Variants in CA10 observed in about 807,000 individuals in gnomAD.
The protein encoded by CA10 is carbonic anhydrase 10 (inactive), also known as carbonic anhydrase-related protein 10.
CA10 carries 14 observed loss-of-function variants against 44.2 expected under a neutral mutation model. The ratio of observed to expected loss-of-function variants is 0.32; its 90% CI spans 0.21 to 0.50. The LOEUF is 0.50. Ranked by LOEUF, CA10 falls within the 20% of genes least tolerant of loss-of-function variation. The probability of loss-of-function intolerance (pLI) is 0.99; values close to 1 mark genes in which losing one functional copy is unlikely to be tolerated. For missense variants in CA10, 350 were observed against 409.7 expected (o/e 0.85, Z 1.26); for synonymous variants, 159 against 141.6 (o/e 1.12, Z -0.87).
chr17:51,768,463 T>C (rs1161018759), intron 3 of CA10, among the ~76,000 whole-genome samples: 1 of 152,200 alleles, frequency 6.6e-6, no homozygotes, highest in African/African-American at 2.4e-5. Flanking sequence ...CATCAAATCT[T>C]CTGATAAATT....
At chr17:52,041,815 C>T (rs2144192332) in intron 2 of CA10, among the ~76,000 whole-genome samples, 1 of 152,168 alleles carries the variant, frequency 6.6e-6, no homozygotes, top group South Asian at 2.1e-4. Flanking sequence ...TTTTTTATTT[C>T]ACATATAAGT....
At chr17:51,958,776 T>C (rs1054943436) in intron 2 of CA10, among the ~76,000 whole-genome samples, 2 of 151,988 alleles carry the variant, frequency 1.3e-5, no homozygotes, top group Non-Finnish European at 2.9e-5. Context: ...AACAAACAGA[T>C]AAGCAAAAAC....
At chr17:51,901,872 T>C (rs1981332424) in intron 3 of CA10, among the ~76,000 whole-genome samples, 1 of 152,088 alleles carries the variant, frequency 6.6e-6, no homozygotes, top group Non-Finnish European at 1.5e-5. Flanking sequence ...AGCTAAGTTA[T>C]AAAGTTAGTA....
chr17:51,682,332 C>T (rs768833463), intron 4 of CA10, among the ~76,000 whole-genome samples: 3 of 152,250 alleles, frequency 2.0e-5, no homozygotes, highest in South Asian at 2.1e-4. Context: ...AAGCTGAAAC[C>T]GCTGGCAAAA....
At chr17:51,694,591 A>G (rs1280805743) in intron 4 of CA10, among the ~76,000 whole-genome samples, 2 of 149,054 alleles carry the variant, frequency 1.3e-5, no homozygotes, top group African/African-American at 5.0e-5. Flanking sequence ...TATTTTCTCT[A>G]ATTCTGTGGG....
chr17:51,997,780 A>G (rs182766840), intron 2 of CA10, among the ~76,000 whole-genome samples: 29 of 152,218 alleles, frequency 1.9e-4, no homozygotes, highest in Admixed American at 1.4e-3. Flanking sequence ...GAGAAATCAT[A>G]TTTAAAATAG....
chr17:51,959,797 G>GAAAAAAAAAAAAAAAAAAAAGAAAAA (rs3062037), intron 2 of CA10, among the ~76,000 whole-genome samples: 3 of 112,374 alleles, frequency 2.7e-5, no homozygotes, highest in South Asian at 3.3e-4. Flanking sequence ...CTGCTAAGAT[G>GAAAAAAAAAAAAAAAAAAAAGAAAAA]AAAAAAAAAA....
intron 2 of CA10, among the ~76,000 whole-genome samples, chr17:51,974,520 A>C (rs1170585767): frequency 1.3e-5 from 2 of 150,386 alleles, no homozygotes; most frequent in Non-Finnish European, 3.0e-5. Context: ...AAACTGTAAC[A>C]AAAAAAAAGA....
At chr17:51,962,486 C>T (rs1983928485) in intron 2 of CA10, among the ~76,000 whole-genome samples, 1 of 152,166 alleles carries the variant, frequency 6.6e-6, no homozygotes, top group Non-Finnish European at 1.5e-5. Context: ...GAGCCCATTG[C>T]TAGAGGTAGA....
At chr17:52,007,983 T>C (rs1411160892) in intron 2 of CA10, among the ~76,000 whole-genome samples, 1 of 151,702 alleles carries the variant, frequency 6.6e-6, no homozygotes, top group Non-Finnish European at 1.5e-5. Flanking sequence ...TGTAATAAAA[T>C]GACTGATCAA....
At chr17:51,845,655 AGATCCTTCTTCTCCTAAGGCTCT>A (rs1225000534) in intron 3 of CA10, among the ~76,000 whole-genome samples, 4 of 152,360 alleles carry the variant, frequency 2.6e-5, no homozygotes, top group African/African-American at 9.6e-5. Context: ...AGCATTGAAC[AGATCCTTCTTCTCCTAAGGCTCT>A]GATAACTTTT....
intron 1 of CA10, among the ~76,000 whole-genome samples, chr17:52,075,134 G>A (rs1255647455): frequency 1.3e-5 from 2 of 151,898 alleles, no homozygotes; most frequent in Non-Finnish European, 2.9e-5. Flanking sequence ...ATTTCAAAAG[G>A]AAAAACAATC....
Position 52,068,039 on chromosome 17 carries a change from GT to G in CA10, c.136+4279del, listed in dbSNP as rs528187359. On this transcript the variant is annotated intron_variant, in intron 2 of 8. Coordinates refer to ENST00000451037, the MANE Select transcript of CA10 (RefSeq NM_020178.5). ...CAGGACAGTTGGGTAGGCAGGATTG[GT>G]TTTGAAATGTCAGAGACATGAGGAT... 1.2e-3 allele frequency among the ~76,000 whole-genome samples: 187 copies of G among 152,316 alleles called. 5 individuals carry two copies. In the South Asian group the frequency reaches 0.023, roughly 19 times the overall value.
At chr17:51,827,920 C>A (rs1401781137) in intron 3 of CA10, among the ~76,000 whole-genome samples, 1 of 152,198 alleles carries the variant, frequency 6.6e-6, no homozygotes, top group East Asian at 1.9e-4. Flanking sequence ...AAACTCTCCC[C>A]TTTTTGTTCT....
At chr17:51,770,062 C>T (rs968038129) in intron 3 of CA10, among the ~76,000 whole-genome samples, 1 of 151,532 alleles carries the variant, frequency 6.6e-6, no homozygotes, top group Non-Finnish European at 1.5e-5. Flanking sequence ...ATCTAAGATT[C>T]TATATCTCTG....
chr17:51,677,834 AG>A (rs1398221905), intron 4 of CA10, among the ~76,000 whole-genome samples: 2 of 152,046 alleles, frequency 1.3e-5, no homozygotes, highest in Admixed American at 6.6e-5. Context: ...TACCTCAAAA[AG>A]TTAAACATAC....
chr17:51,975,620 G>C (rs1984435442), intron 2 of CA10, among the ~76,000 whole-genome samples: 1 of 152,186 alleles, frequency 6.6e-6, no homozygotes, highest in Non-Finnish European at 1.5e-5. Flanking sequence ...CAGAGGTTGT[G>C]ATGAGGCGAG....
intron 2 of CA10, among the ~76,000 whole-genome samples, chr17:51,976,522 C>T (rs1351301590): frequency 6.6e-6 from 1 of 151,822 alleles, no homozygotes; most frequent in African/African-American, 2.4e-5. Flanking sequence ...CAAGGAAGCC[C>T]AATGGAAATT....
intron 4 of CA10, among the ~76,000 whole-genome samples, chr17:51,705,828 A>T (rs1207361617): frequency 6.6e-6 from 1 of 152,154 alleles, no homozygotes; most frequent in Non-Finnish European, 1.5e-5. Context: ...ACAGGTAGAG[A>T]TGGAAAAAAC....
Sources: allele counts gnomAD v4.1 joint callset (sites outside exome capture counted in the v4.1 genomes callset), GRCh38; gene constraint gnomAD v4.1.1; transcripts MANE v1.5; gene names NCBI Gene and HGNC (gene_info 2026-07-23, HGNC 2026-07-21).